The following HNF4A variants were observed in gnomAD, a reference collection of about 807,000 sequenced individuals.
HNF4A encodes the protein hepatocyte nuclear factor 4-alpha.
Under a neutral mutation model 52.4 loss-of-function variants are expected in HNF4A, and 15 were observed. The observed-to-expected ratio is 0.29, with a 90% CI of 0.19 to 0.44. HNF4A has a LOEUF of 0.44. Ranked by LOEUF, HNF4A falls within the 20% of genes least tolerant of loss-of-function variation. The pLI, the probability that HNF4A is intolerant of heterozygous loss-of-function variation, is 1.00. For missense variants in HNF4A, 479 were observed against 647.2 expected, an observed-to-expected ratio of 0.74 and a Z score of 2.82; for synonymous variants, 280 against 264.4, an observed-to-expected ratio of 1.06 and a Z score of -0.57.
At chr20:44,420,229 G>A (rs2063725621) in intron 7 of HNF4A, among the ~76,000 whole-genome samples, 1 of 152,106 alleles carries the variant, frequency 6.6e-6, no homozygotes, top group African/African-American at 2.4e-5. Context: ...CTATTCGGGA[G>A]GCTGAGGCAG....
At chr20:44,415,920 C>A (rs1348168114) in intron 5 of HNF4A, among the ~76,000 whole-genome samples, 1 of 152,104 alleles carries the variant, frequency 6.6e-6, no homozygotes, top group Non-Finnish European at 1.5e-5. Flanking sequence ...TGTGCTCTGG[C>A]CCCAGTCCCC....
intron 3 of HNF4A, chr20:44,408,307 C>G: frequency 6.5e-6 from 1 of 154,654 alleles, no homozygotes; most frequent in Middle Eastern, 5.3e-4. Flanking sequence ...ATCTGAAGTC[C>G]CAGAGCTTCT....
intron 3 of HNF4A, 53 bp downstream of exon 3, chr20:44,407,528 C>T: frequency 8.3e-7 from 1 of 1,208,020 alleles, no homozygotes; most frequent in Non-Finnish European, 1.2e-6. Context: ...GCACCCACAG[C>T]TCCCCGACAG....
intron 1 of HNF4A, among the ~76,000 whole-genome samples, chr20:44,375,699 C>G (rs553511309): frequency 6.6e-6 from 1 of 152,196 alleles, no homozygotes; most frequent in African/African-American, 2.4e-5. Context: ...GCCCCTCAGA[C>G]AAGAAGGATT....
chr20:44,429,377 GTTTA>G (rs1568745530), intron 9 of HNF4A, 142 bp from the exon 10 acceptor site: 9 of 857,948 alleles, frequency 1.0e-5, no homozygotes, highest in Non-Finnish European at 1.5e-5. Context: ...GGATTATCTG[GTTTA>G]ATTAATTCTC....
At chr20:44,428,255 A>C in intron 8 of HNF4A, 80 bp from the exon 9 acceptor site, 2 of 1,475,554 alleles carry the variant, frequency 1.4e-6, no homozygotes, top group African/African-American at 1.4e-5. Flanking sequence ...TTGATTGGCC[A>C]CGCCTGAGGA....
chr20:44,383,647 G>T (rs2063183305), intron 1 of HNF4A, among the ~76,000 whole-genome samples: 1 of 151,498 alleles, frequency 6.6e-6, no homozygotes, highest in South Asian at 2.1e-4. Flanking sequence ...CGCCTCCTGG[G>T]TTCAAGTGAT....
chr20:44,356,302 GGCT>G (rs2146130400), intron 1 of HNF4A, among the ~76,000 whole-genome samples: 1 of 152,306 alleles, frequency 6.6e-6, no homozygotes, highest in South Asian at 2.1e-4. Flanking sequence ...CACCTCCGTT[GGCT>G]CTGGATAATG....
At chr20:44,364,145 C>T (rs1219740525) in intron 1 of HNF4A, among the ~76,000 whole-genome samples, 3 of 152,116 alleles carry the variant, frequency 2.0e-5, no homozygotes, top group Non-Finnish European at 4.4e-5. Flanking sequence ...TAGGGCTTAG[C>T]CTCTCCCCAC....
At chr20:44,397,372 G>T (rs1280422110), upstream of HNF4A, among the ~76,000 whole-genome samples, 1 of 151,984 alleles carries the variant, frequency 6.6e-6, no homozygotes, top group Non-Finnish European at 1.5e-5. Context: ...CATAATAATT[G>T]TACATATATA....
intron 5 of HNF4A, among the ~76,000 whole-genome samples, chr20:44,416,512 C>T (rs963870698): frequency 2.0e-5 from 3 of 152,246 alleles, no homozygotes; most frequent in Admixed American, 6.5e-5. Context: ...GTGCCCAGTG[C>T]GCAGGAGGCG....
chr20:44,421,485 GGCTCACGCCTGTAATCCCA>G (rs2063743347), intron 7 of HNF4A, among the ~76,000 whole-genome samples: 2 of 152,142 alleles, frequency 1.3e-5, no homozygotes, highest in Non-Finnish European at 2.9e-5. Context: ...TGGGTGTGGT[GGCTCACGCCTGTAATCCCA>G]GCACTTTGGG....
intron 1 of HNF4A, chr20:44,391,498 G>A (rs2063301635): frequency 6.6e-6 from 1 of 152,314 alleles, no homozygotes; most frequent in African/African-American, 2.4e-5. Context: ...AAGCTTTCTG[G>A]GCCGGGCTTC....
At chr20:44,389,316 G>T (rs906089805) in intron 1 of HNF4A, among the ~76,000 whole-genome samples, 1 of 152,176 alleles carries the variant, frequency 6.6e-6, no homozygotes, top group Non-Finnish European at 1.5e-5. Context: ...CCACCAAAAC[G>T]CAAGCTCTGT....
At chr20:44,413,433 C>T (rs903572259) in intron 3 of HNF4A, among the ~76,000 whole-genome samples, 5 of 152,056 alleles carry the variant, frequency 3.3e-5, no homozygotes, top group African/African-American at 7.2e-5. Flanking sequence ...AACCCATAGC[C>T]GAGTCTTCAC....
chr20:44,402,919 G>A (rs750427116), intron 1 of HNF4A, among the ~76,000 whole-genome samples: 33 of 152,144 alleles, frequency 2.2e-4, no homozygotes, highest in Non-Finnish European at 4.1e-4. Flanking sequence ...GTCCAGTCAC[G>A]TGTGACCTTG....
In HNF4A at chr20:44,432,600, T is replaced by G. The variant is rs2063891872; in HGVS notation, c.*2935T>G. Reference sequence around the variant, plus strand: ...TACCAAGCCAATTACTTTTGCCAAATTTTTCTGTGATCTGCCCTGATTAAG... The same window carrying G: ...TACCAAGCCAATTACTTTTGCCAAAGTTTTCTGTGATCTGCCCTGATTAAG... On this transcript the variant is annotated 3_prime_UTR_variant, in exon 10 of 10. Transcript: ENST00000316099. The G allele has an allele frequency of 6.6e-6, 1 of 152,044 alleles. No homozygotes were observed. Among genetic ancestry groups the G allele is most frequent in the Non-Finnish European group, 1.5e-5 (1 of 68,010 alleles). 9.4% of individuals were successfully genotyped at this position (152,044 alleles called of 1,614,324 possible). A position where few individuals can be genotyped will look rare whatever the true frequency, so the allele number is the denominator to read the frequency against.
chr20:44,427,949 A>G (rs2146485319), intron 8 of HNF4A, among the ~76,000 whole-genome samples: 1 of 152,330 alleles, frequency 6.6e-6, no homozygotes, highest in Middle Eastern at 3.4e-3. Flanking sequence ...GTGGGGGATG[A>G]GGCTGAAAGG....
intron 8 of HNF4A, 79 bp from the exon 9 acceptor site, chr20:44,428,256 C>G: frequency 3.4e-6 from 5 of 1,475,276 alleles, no homozygotes; most frequent in Non-Finnish European, 4.7e-6. Flanking sequence ...TGATTGGCCA[C>G]GCCTGAGGAA....
Sources: gnomAD v4.1 joint callset for allele counts (sites outside exome capture counted in the v4.1 genomes callset) on GRCh38, gnomAD v4.1.1 for gene constraint, MANE v1.5 for transcripts, NCBI Gene and HGNC (gene_info 2026-07-23, HGNC 2026-07-21) for gene names.